METTL8: variants seen among roughly 807,000 people sequenced by gnomAD.
METTL8 encodes tRNA N(3)-cytidine methyltransferase METTL8, mitochondrial.
A neutral mutation model predicts 48.7 loss-of-function variants in METTL8; 32 were observed. The ratio of observed to expected loss-of-function variants is 0.66; its 90% CI spans 0.50 to 0.88. The LOEUF (loss-of-function observed/expected upper bound fraction) is 0.88, where lower values mean the gene tolerates loss of function less well. METTL8 is among the 40% of genes least tolerant of loss of function. METTL8 has a pLI of 0.00. For synonymous variants in METTL8, 136 were observed against 157.1 expected (o/e 0.87, Z 1.01); for missense variants, 464 against 474.4 (o/e 0.98, Z 0.20).
chr2:171,359,268 T>C (rs1209707942), intron 3 of METTL8, among the ~76,000 whole-genome samples: 1 of 151,184 alleles, frequency 6.6e-6, no homozygotes, highest in Non-Finnish European at 1.5e-5. Flanking sequence ...ATGCTCAATA[T>C]CACTAATCAT....
intron 3 of METTL8, among the ~76,000 whole-genome samples, chr2:171,340,426 C>G (rs191594780): frequency 5.6e-5 from 8 of 141,684 alleles, no homozygotes; most frequent in Admixed American, 5.2e-4. Context: ...TGCTTGAACC[C>G]GGGAGGAGAA....
chr2:171,389,057 C>T (rs764862697), intron 2 of METTL8, among the ~76,000 whole-genome samples: 24 of 152,162 alleles, frequency 1.6e-4, no homozygotes, highest in Admixed American at 1.4e-3. Flanking sequence ...ATGGCCTCTA[C>T]GTGTTCAAAT....
chr2:171,359,173 C>CAA (rs57742852), intron 3 of METTL8, among the ~76,000 whole-genome samples: 26,578 of 109,148 alleles, frequency 0.24, 3,058 homozygotes, highest in Non-Finnish European at 0.3. Flanking sequence ...GACCCTGTCT[C>CAA]AAAAAAAAAA....
rs867528935 is a variant in METTL8 at position 171,387,359 on chromosome 2, C to A, written c.143+4684G>T. ...AGTGAGCCACACCCCCATCGCACATCCAGCGAGGGGGACATAGGAGCTTTT... is the reference window on the plus strand; with the variant it reads ...AGTGAGCCACACCCCCATCGCACATACAGCGAGGGGGACATAGGAGCTTTT... On this transcript the variant is annotated intron_variant, in intron 2 of 9. Coordinates refer to ENST00000375258, the MANE Select transcript of METTL8 (RefSeq NM_001321154.2). Among the ~76,000 whole-genome samples the A allele has an allele frequency of 3.9e-5, 6 of 152,100 alleles. No individual in the cohort carries two copies. In the Middle Eastern group the frequency reaches 0.014, roughly 345 times the overall value.
intron 2 of METTL8, among the ~76,000 whole-genome samples, chr2:171,388,576 CAA>C (rs1167309902): frequency 1.3e-5 from 2 of 152,164 alleles, no homozygotes; most frequent in Non-Finnish European, 2.9e-5. Context: ...AGCATTAATT[CAA>C]CAATATTTGT....
At chr2:171,351,746 A>G (rs1180041763) in intron 3 of METTL8, among the ~76,000 whole-genome samples, 1 of 152,180 alleles carries the variant, frequency 6.6e-6, no homozygotes, top group East Asian at 1.9e-4. Flanking sequence ...GAGTTCACTC[A>G]TGATTTGGCT....
At chr2:171,356,094 T>G (rs978404798) in intron 3 of METTL8, among the ~76,000 whole-genome samples, 2 of 152,208 alleles carry the variant, frequency 1.3e-5, no homozygotes, top group East Asian at 1.9e-4. Flanking sequence ...CTGTTCCTAT[T>G]TGGCCATCTT....
chr2:171,340,884 C>G (rs1396939833), intron 3 of METTL8, among the ~76,000 whole-genome samples: 2 of 152,212 alleles, frequency 1.3e-5, no homozygotes. Context: ...TTCCTACTGA[C>G]ATCTCCCAAG....
At chr2:171,434,264 T>C (rs781042836), upstream of METTL8, 4 of 520,756 alleles carry the variant, frequency 7.7e-6, no homozygotes, top group East Asian at 4.9e-5. Flanking sequence ...AGGAACTACA[T>C]TTCCCGGTGA....
intron 1 of METTL8, among the ~76,000 whole-genome samples, chr2:171,408,002 T>TA (rs1690361776): frequency 6.6e-6 from 1 of 152,230 alleles, no homozygotes; most frequent in South Asian, 2.1e-4. Context: ...AGCTTCTTTA[T>TA]AATGAGAGTT....
At chr2:171,377,235 A>T (rs1687063254) in intron 2 of METTL8, among the ~76,000 whole-genome samples, 2 of 152,254 alleles carry the variant, frequency 1.3e-5, no homozygotes, top group Admixed American at 1.3e-4. Context: ...ACTTGAAACC[A>T]TAAAAATTCT....
intron 1 of METTL8, among the ~76,000 whole-genome samples, chr2:171,419,229 T>G (rs1691636436): frequency 6.6e-6 from 1 of 152,198 alleles, no homozygotes; most frequent in Non-Finnish European, 1.5e-5. Context: ...TCCTTGCTAC[T>G]AGGTTGTCCT....
At chr2:171,430,001 T>C (rs1412346838) in intron 1 of METTL8, among the ~76,000 whole-genome samples, 6 of 150,050 alleles carry the variant, frequency 4.0e-5, no homozygotes, top group Non-Finnish European at 7.4e-5. Context: ...GATCACACCA[T>C]TGCACTCCAG....
intron 1 of METTL8, among the ~76,000 whole-genome samples, chr2:171,409,063 A>T (rs1690476531): frequency 6.6e-6 from 1 of 152,232 alleles, no homozygotes; most frequent in Non-Finnish European, 1.5e-5. Context: ...ACAAAAGACT[A>T]ATTTACCAAT....
intron 1 of METTL8, among the ~76,000 whole-genome samples, chr2:171,411,618 GT>G (rs1322196678): frequency 3.9e-5 from 6 of 152,004 alleles, no homozygotes; most frequent in Admixed American, 1.3e-4. Context: ...AGGGCCACCC[GT>G]TTGGAAAAAA....
rs116556638 is a variant in METTL8 at position 171,324,321 on chromosome 2, T to C, written c.1075A>G (p.Lys359Glu). 4,678 of 1,551,672 alleles carry C rather than the reference T, an allele frequency of 3.0e-3. 125 individuals are homozygous for C. The African/African-American group carries it at 0.054, about 18-fold the overall frequency. The change falls in exon 10 of 10, where the codon AAG (lysine) becomes GAG (glutamate). Residue 359 changes from lysine (K) to glutamate (E), a missense_variant. Physicochemically the swap from Lys to Glu is moderately conservative, Grantham distance 56 (BLOSUM62 1). Transcript: ENST00000375258. ...AAGCGGCGATCAACCAGATTTTGCT[T>C]TTCATCTAAACTGGCTTTGCAGAAC... Reference protein sequence around the residue: ...SMFCKASLDEKQNLVDRRLQV... With the variant: ...SMFCKASLDEEQNLVDRRLQV...
At chr2:171,371,797 A>G (rs1054908781) in intron 2 of METTL8, among the ~76,000 whole-genome samples, 4 of 150,016 alleles carry the variant, frequency 2.7e-5, no homozygotes, top group African/African-American at 9.8e-5. Flanking sequence ...GCGCCCAGCT[A>G]ATTTTTAAAA....
At chr2:171,375,128 T>C (rs1686819092) in intron 2 of METTL8, 4 of 1,418,682 alleles carry the variant, frequency 2.8e-6, no homozygotes, top group Non-Finnish European at 3.9e-6. Flanking sequence ...GAAATGTCCC[T>C]GACTGCTGCG....
At position 171,371,120 on chromosome 2, in the gene METTL8, A is replaced by T. The variant is rs571604734; in HGVS notation, c.144-10607T>A. 2.6e-5 allele frequency among the ~76,000 whole-genome samples: 4 copies of T among 152,330 alleles called. No homozygotes were observed. In the East Asian group the frequency reaches 7.7e-4, roughly 29 times the overall value. ...AAGATGCACAAACTGTAAAAATGTC[A>T]TGATTTCAGAGATGTTAATAGGTAA... is the stretch of plus-strand genomic sequence containing the variant. On this transcript the variant is annotated intron_variant, in intron 2 of 9. Transcript: ENST00000375258.
Sources: gnomAD v4.1 joint callset for allele counts (sites outside exome capture counted in the v4.1 genomes callset) on GRCh38, gnomAD v4.1.1 for gene constraint, MANE v1.5 for transcripts, NCBI Gene and HGNC (gene_info 2026-07-23, HGNC 2026-07-21) for gene names.